NPY2R: variants seen among roughly 807,000 people sequenced by gnomAD.
The protein encoded by NPY2R is neuropeptide Y receptor type 2.
In NPY2R, 17 loss-of-function variants were observed where a neutral mutation model predicts 22.3. The ratio of observed to expected loss-of-function variants is 0.76; its 90% confidence interval spans 0.52 to 1.14. The LOEUF (loss-of-function observed/expected upper bound fraction) is 1.14. Among genes scored for constraint, NPY2R ranks in the 50% most tolerant of loss-of-function variants. The pLI, the probability that NPY2R is intolerant of heterozygous loss-of-function variation, is 0.00. For synonymous variants in NPY2R, 209 were observed against 183.4 expected (o/e 1.14, Z -1.13); for missense variants, 424 against 467.9 (o/e 0.91, Z 0.87).
upstream of NPY2R, among the ~76,000 whole-genome samples, chr4:155,204,656 G>A (rs1729247702): frequency 6.6e-6 from 1 of 151,992 alleles, no homozygotes; most frequent in South Asian, 2.1e-4. Context: ...TTAAAGGAAG[G>A]ATGTATATTT....
intron 1 of NPY2R, among the ~76,000 whole-genome samples, chr4:155,209,610 G>C (rs1287046017): frequency 6.6e-6 from 1 of 152,192 alleles, no homozygotes; most frequent in Non-Finnish European, 1.5e-5. Context: ...ACCCTTTGGT[G>C]AATATTTTCA....
chr4:155,204,385 G>T (rs1325050767), upstream of NPY2R, among the ~76,000 whole-genome samples: 6 of 152,142 alleles, frequency 3.9e-5, no homozygotes, highest in Admixed American at 3.9e-4. Context: ...CATGTTACCT[G>T]AAGTATTTGC....
chr4:155,185,273 T>C, the NPY2R span, among the ~76,000 whole-genome samples: 3 of 151,944 alleles, frequency 2.0e-5, no homozygotes, highest in Non-Finnish European at 2.9e-5. Context: ...TTCCTGACTT[T>C]GTGATCTGCC....
In NPY2R at chr4:155,214,972, C is replaced by T. The variant is rs376048056; in HGVS notation, c.1033C>T (p.Arg345Trp). 4.5e-5 allele frequency: 73 copies of T among 1,614,162 alleles called. No homozygotes were observed. The East Asian group carries it at 7.8e-4, about 17-fold the overall frequency. ...CCTCTCGGCCTTCCGCTGTGAGCAGCGGTTGGATGCCATTCACTCTGAGGT... is the reference window on the plus strand; with the variant it reads ...CCTCTCGGCCTTCCGCTGTGAGCAGTGGTTGGATGCCATTCACTCTGAGGT... ...AFLSAFRCEQRLDAIHSEVSV... is the reference protein window; with the variant it reads ...AFLSAFRCEQWLDAIHSEVSV... The change falls in exon 2 of 2, where the codon CGG (arginine) becomes TGG (tryptophan). Residue 345 changes from arginine to tryptophan, a missense_variant. Arg to Trp is a moderately radical substitution (Grantham distance 101). Transcript: ENST00000329476.
At chr4:155,188,754 A>C in the NPY2R span, among the ~76,000 whole-genome samples, 7 of 152,230 alleles carry the variant, frequency 4.6e-5, no homozygotes, top group African/African-American at 1.7e-4. Context: ...GCTAGCAGCC[A>C]TCTGATCTTT....
chr4:155,196,855 C>A, the NPY2R span, among the ~76,000 whole-genome samples: 2 of 151,814 alleles, frequency 1.3e-5, no homozygotes, highest in African/African-American at 2.4e-5. Context: ...TTCAAAGGAG[C>A]TCATCTAGGC....
chr4:155,182,206 C>A, the NPY2R span, among the ~76,000 whole-genome samples: 1 of 152,144 alleles, frequency 6.6e-6, no homozygotes, highest in African/African-American at 2.4e-5. Flanking sequence ...ACCCCTCACA[C>A]CACCACCAAA....
chr4:155,196,553 T>C, the NPY2R span, among the ~76,000 whole-genome samples: 1 of 151,862 alleles, frequency 6.6e-6, no homozygotes, highest in African/African-American at 2.4e-5. Flanking sequence ...ATGGTCCATG[T>C]CTTTTTGTGG....
At chr4:155,185,794 C>T in the NPY2R span, among the ~76,000 whole-genome samples, 1 of 151,926 alleles carries the variant, frequency 6.6e-6, no homozygotes, top group Non-Finnish European at 1.5e-5. Flanking sequence ...TAATAACTGC[C>T]TATCTATTTA....
the NPY2R span, among the ~76,000 whole-genome samples, chr4:155,194,583 C>A: frequency 6.6e-6 from 1 of 152,046 alleles, no homozygotes; most frequent in East Asian, 1.9e-4. Context: ...GATTTCATTC[C>A]TTTTTATGGC....
chr4:155,188,652 A>G, the NPY2R span, among the ~76,000 whole-genome samples: 1 of 152,186 alleles, frequency 6.6e-6, no homozygotes, highest in East Asian at 1.9e-4. Flanking sequence ...ACTTAGAGAG[A>G]CCTATGTGAC....
the NPY2R span, among the ~76,000 whole-genome samples, chr4:155,185,563 TA>T: frequency 2.6e-5 from 4 of 152,224 alleles, no homozygotes; most frequent in African/African-American, 4.8e-5. Context: ...ATATGGAGCA[TA>T]AAAAAACTAG....
chr4:155,213,865 T>C (rs1729453406), intron 1 of NPY2R, 27 bp from the exon 2 acceptor site: 1 of 1,206,686 alleles, frequency 8.3e-7, no homozygotes. Flanking sequence ...TGTTGTTGTT[T>C]TGTTTTATTT....
At chr4:155,205,531 A>T (rs573486865), upstream of NPY2R, among the ~76,000 whole-genome samples, 1 of 152,170 alleles carries the variant, frequency 6.6e-6, no homozygotes. Flanking sequence ...TCATCTAGCT[A>T]TCTAAAATAT....
At chr4:155,176,943 G>A in the NPY2R span, among the ~76,000 whole-genome samples, 1 of 152,130 alleles carries the variant, frequency 6.6e-6, no homozygotes, top group Non-Finnish European at 1.5e-5. Context: ...AAGGGCCTAA[G>A]CTAGTTCCTT....
At position 155,215,875 on chromosome 4, in the gene NPY2R, A is replaced by T. The variant is rs1335633133; in HGVS notation, c.*790A>T. The T allele has an allele frequency of 6.0e-6, 1 of 167,016 alleles. No homozygotes were observed. Among genetic ancestry groups the T allele is most frequent in the East Asian group, 1.9e-4 (1 of 5,200 alleles). 10.3% of individuals were successfully genotyped at this position (167,016 alleles called of 1,614,324 possible). ...GATACTATTTAGATAACAAGAATAC[A>T]ACTTGATACTTTTATTGTTATACCT... is the stretch of plus-strand genomic sequence containing the variant. On this transcript the variant is annotated 3_prime_UTR_variant, in exon 2 of 2. Coordinates refer to ENST00000329476, the MANE Select transcript of NPY2R (RefSeq NM_000910.4).
At position 155,213,885 on chromosome 4, in the gene NPY2R, T is replaced by C; in HGVS notation, c.-48-7T>C. The C allele has an allele frequency of 7.0e-7, 1 of 1,431,812 alleles. No individual in the cohort carries two copies. The highest frequency in any genetic ancestry group is 9.9e-7 in the Non-Finnish European group (1 of 1,015,186). 88.7% of individuals were successfully genotyped at this position (1,431,812 alleles called of 1,614,324 possible). ...TTGTTTTGTTTTATTTTGTTTTTTC[T>C]TTTTAGGTTGTAGACTCTTGTGCTG... is the stretch of plus-strand genomic sequence containing the variant. On this transcript the variant is annotated splice_polypyrimidine_tract_variant and splice_region_variant and intron_variant, in intron 1 of 1. Transcript: ENST00000329476.
chr4:155,179,256 A>AT, the NPY2R span, among the ~76,000 whole-genome samples: 71,287 of 151,510 alleles, frequency 0.47, 17,420 homozygotes, highest in East Asian at 0.69. Context: ...GTTATCTGAC[A>AT]TTTCCTGGTT....
the NPY2R span, among the ~76,000 whole-genome samples, chr4:155,191,179 T>C: frequency 6.6e-6 from 1 of 151,812 alleles, no homozygotes; most frequent in Non-Finnish European, 1.5e-5. Context: ...AGAATGGAGA[T>C]GCATTCTCCC....
Sources: gnomAD v4.1 joint callset for allele counts (sites outside exome capture counted in the v4.1 genomes callset) on GRCh38, gnomAD v4.1.1 for gene constraint, MANE v1.5 for transcripts, NCBI Gene and HGNC (gene_info 2026-07-23, HGNC 2026-07-21) for gene names.